Variants in PDE4A observed in about 807,000 individuals in gnomAD.
The protein encoded by PDE4A is 3',5'-cyclic-AMP phosphodiesterase 4A.
PDE4A carries 21 observed loss-of-function variants against 73.9 expected under a neutral mutation model. The observed-to-expected ratio is 0.28, with a 90% CI of 0.20 to 0.41. The LOEUF is 0.41. Ranked by LOEUF, PDE4A falls within the 10% of genes least tolerant of loss-of-function variation. The pLI is 1.00. For synonymous variants in PDE4A, 463 were observed against 505.4 expected (o/e 0.92, Z 1.13); for missense variants, 958 against 1,211.4 (o/e 0.79, Z 3.10).
intron 1 of PDE4A, chr19:10,431,005 GC>G: frequency 2.5e-6 from 4 of 1,577,028 alleles, no homozygotes; most frequent in Non-Finnish European, 8.6e-7. Flanking sequence ...TTCTTCGCCA[GC>G]CCGTCCCCAA....
chr19:10,467,304 C>T lies in PDE4A; in HGVS notation c.2344C>T (p.Gln782Ter). ...AELEAVYLTQ[Q>*]AQSTGSAPVA... ...GCTGGAGGCAGTGTATTTGACACAGCAGGCACAGTCCACAGGCAGTGCACC... is the reference window on the plus strand; with the variant it reads ...GCTGGAGGCAGTGTATTTGACACAGTAGGCACAGTCCACAGGCAGTGCACC... Residue 782 changes from glutamine (Q) to a stop codon, truncating the protein, a stop_gained, in exon 15 of 15, where the codon CAG becomes TAG. Coordinates refer to ENST00000380702, the MANE Select transcript of PDE4A (RefSeq NM_001111307.2). LOFTEE classifies it low-confidence loss of function (END_TRUNC). 6.2e-7 allele frequency: 1 copy of T among 1,614,176 alleles called. No individual in the cohort carries two copies. Among genetic ancestry groups the T allele is most frequent in the Non-Finnish European group, 8.5e-7 (1 of 1,180,020 alleles).
At chr19:10,463,637 A>G in intron 13 of PDE4A, 156 bp from the exon 14 acceptor site, 1 of 894,582 alleles carries the variant, frequency 1.1e-6, no homozygotes, top group Non-Finnish European at 1.3e-6. Context: ...TCCTGACCTC[A>G]TGATCCACCC....
chr19:10,438,363 C>T (rs1187085819), intron 1 of PDE4A, among the ~76,000 whole-genome samples: 4 of 150,490 alleles, frequency 2.7e-5, no homozygotes, highest in South Asian at 4.2e-4. Context: ...CGCCCGCCTC[C>T]GCCTGCCAAA....
Position 10,449,067 on chromosome 19 carries a change from C to G in PDE4A, c.550-13C>G, listed in dbSNP as rs759217502. The G allele has an allele frequency of 1.2e-6, 2 of 1,613,252 alleles. No homozygotes were observed. Among genetic ancestry groups the G allele is most frequent in the Non-Finnish European group, 1.7e-6 (2 of 1,179,614 alleles). On this transcript the variant is annotated splice_polypyrimidine_tract_variant and intron_variant, in intron 3 of 14. Coordinates refer to ENST00000380702, the MANE Select transcript of PDE4A (RefSeq NM_001111307.2). ...AGGGGAACCCCACTCCTCACTGCCG[C>G]TCCCCATCCCAGGTGCTGGCCAGCC...
At chr19:10,454,665 A>G in intron 6 of PDE4A, 164 bp from the exon 7 acceptor site, 1 of 810,758 alleles carries the variant, frequency 1.2e-6, no homozygotes, top group Non-Finnish European at 1.5e-6. Flanking sequence ...GGAGGACAGG[A>G]AAGGCTGACC....
At chr19:10,462,045 C>T in intron 13 of PDE4A, 46 bp downstream of exon 13, 1 of 1,530,666 alleles carries the variant, frequency 6.5e-7, no homozygotes, top group Non-Finnish European at 9.0e-7. Flanking sequence ...ACTCCCCCAG[C>T]CACACCTTTA....
chr19:10,469,596 G>C lies in PDE4A; in HGVS notation c.*1975G>C, dbSNP rs201665505. 6.6e-6 allele frequency: 1 copy of C among 152,320 alleles called. No homozygotes were observed. Among genetic ancestry groups the C allele is most frequent in the Non-Finnish European group, 1.5e-5 (1 of 68,086 alleles). 9.4% of individuals were successfully genotyped at this position (152,320 alleles called of 1,614,324 possible). ...TCGGTCCGTTGATCAATAATCCTTC[G>C]ATCTTGTCTCCAATTAAACCGAGGC... On this transcript the variant is annotated 3_prime_UTR_variant, in exon 15 of 15. Transcript: ENST00000380702.
chr19:10,449,263 G>T (rs2043056538), intron 4 of PDE4A, 113 bp downstream of exon 4: 1 of 1,140,080 alleles, frequency 8.8e-7, no homozygotes, highest in Non-Finnish European at 1.3e-6. Context: ...CTGAACCTCT[G>T]TTCAGACAAC....
intron 1 of PDE4A, among the ~76,000 whole-genome samples, chr19:10,428,357 CGAGAGA>C (rs56177515): frequency 0.3 from 41,314 of 137,174 alleles, 6,168 homozygotes; most frequent in East Asian, 0.5. Context: ...GATCCTGTCT[CGAGAGA>C]GAGAGAGAGA....
At chr19:10,426,132 A>G (rs2042715593) in intron 1 of PDE4A, among the ~76,000 whole-genome samples, 1 of 151,822 alleles carries the variant, frequency 6.6e-6, no homozygotes, top group Non-Finnish European at 1.5e-5. Context: ...GGAGTTTGAG[A>G]CCAGCCTGGG....
In PDE4A at chr19:10,457,974, C is replaced by T. The variant is rs775992415; in HGVS notation, c.973C>T (p.Pro325Ser). 21 of 1,613,946 alleles carry T rather than the reference C, an allele frequency of 1.3e-5. No individual in the cohort carries two copies. The highest frequency in any genetic ancestry group is 2.2e-5 in the East Asian group (1 of 44,886). ...AAGACCCTCCCAGCCGCCCCCGCCC[C>T]CTGTACCACACTTACAGCCCATGTC... The part of the protein sequence containing the change: ...RPRPSQPPPP[P>S]VPHLQPMSQI... The change falls in exon 8 of 15, where the codon CCT (proline) becomes TCT (serine). Residue 325 changes from proline (P) to serine (S), a missense_variant. Pro to Ser is a moderately conservative substitution (Grantham distance 74, BLOSUM62 -1). Around this residue, in one of 3 missense-constraint regions of PDE4A, gnomAD observed 570 missense variants for 827.7 expected, o/e 0.69. Coordinates refer to ENST00000380702, the MANE Select transcript of PDE4A (RefSeq NM_001111307.2).
chr19:10,425,338 C>T (rs1471510017), intron 1 of PDE4A, among the ~76,000 whole-genome samples: 3 of 152,204 alleles, frequency 2.0e-5, no homozygotes, highest in African/African-American at 7.2e-5. Flanking sequence ...GTGCTTGTGC[C>T]TCTCGGAGCC....
chr19:10,465,796 G>A (rs897906991), intron 14 of PDE4A, among the ~76,000 whole-genome samples: 9 of 140,496 alleles, frequency 6.4e-5, no homozygotes, highest in Admixed American at 1.5e-4. Context: ...TGCCTCCCGG[G>A]TTCGAGCCAT....
chr19:10,462,064 T>A (rs1035641306), intron 13 of PDE4A, 65 bp downstream of exon 13: 1 of 1,340,462 alleles, frequency 7.5e-7, no homozygotes, highest in Non-Finnish European at 1.0e-6. Flanking sequence ...TAGGTCTGGG[T>A]AGCTAACTGC....
In PDE4A at chr19:10,453,112, C is replaced by T. The variant is rs1400207600; in HGVS notation, c.784-1717C>T. ...GCTGGGAGCGCGGAGGGGAAGGGAG[C>T]CCCCAGCCCTGCTGGGCCGGCCCAG... On this transcript the variant is annotated intron_variant, in intron 6 of 14. Transcript: ENST00000380702. This position sits in a 1 kb window ranked among gnomAD's most constrained non-coding sequence, Gnocchi z 4.6. 2.2e-6 allele frequency: 3 copies of T among 1,353,142 alleles called. No individual in the cohort carries two copies. The allele number at this position is 1,353,142 out of a possible 1,614,324, so 83.8% of individuals were successfully genotyped here.
chr19:10,434,864 T>C (rs530116329), intron 1 of PDE4A, among the ~76,000 whole-genome samples: 57 of 151,124 alleles, frequency 3.8e-4, no homozygotes, highest in Admixed American at 2.0e-3. Flanking sequence ...GTGCTGGGAT[T>C]ACAGGCATGA....
At chr19:10,445,906 T>C in intron 1 of PDE4A, among the ~76,000 whole-genome samples, 1 of 146,642 alleles carries the variant, frequency 6.8e-6, no homozygotes. Context: ...GGCACGATCT[T>C]GGCTCACTGC....
At position 10,453,169 on chromosome 19, in the gene PDE4A, C is replaced by G. The variant is rs1476040706; in HGVS notation, c.784-1660C>G. 6.8e-7 allele frequency: 1 copy of G among 1,469,022 alleles called. No individual in the cohort carries two copies. 91.0% of individuals were successfully genotyped at this position (1,469,022 alleles called of 1,614,324 possible). The stretch of plus-strand genomic sequence containing the variant: ...CCGCGGCTCCCCCTTCCACTACCCA[C>G]CTGCCCGGCACCCCCTCCCCAGTGG... On this transcript the variant is annotated intron_variant, in intron 6 of 14. Transcript: ENST00000380702. The surrounding 1 kb of genome is among the most constrained non-coding windows in gnomAD (Gnocchi z 4.6).
chr19:10,459,713 A>G lies in PDE4A; in HGVS notation c.1319A>G (p.Asp440Gly), dbSNP rs1159968116. The G allele has an allele frequency of 6.2e-7, 1 of 1,614,108 alleles. No homozygotes were observed. Among genetic ancestry groups the G allele is most frequent in the Admixed American group, 1.7e-5 (1 of 60,010 alleles). Residue 440 changes from aspartate to glycine, a missense_variant, in exon 10 of 15, where the codon GAC becomes GGC. By Grantham distance (94) the Asp-to-Gly change is moderately conservative (BLOSUM62 -1). Around this residue, in one of 3 missense-constraint regions of PDE4A, gnomAD observed 570 missense variants for 827.7 expected, o/e 0.69. Transcript: ENST00000380702. The part of the protein sequence containing the change: ...VAYHNSLHAA[D>G]VLQSTHVLLA... ...TACCATAACAGCCTGCACGCAGCTG[A>G]CGTGCTGCAGTCCACCCACGTACTG...
Sources: allele counts gnomAD v4.1 joint callset (sites outside exome capture counted in the v4.1 genomes callset), GRCh38; gene constraint gnomAD v4.1.1; regional missense constraint gnomAD v4.1.1; non-coding constraint Gnocchi (gnomAD v3.1); transcripts MANE v1.5; gene names NCBI Gene and HGNC (gene_info 2026-07-23, HGNC 2026-07-21).